The following RNF17 variants were observed in gnomAD, a reference collection of about 807,000 sequenced individuals.
RNF17 encodes the protein spermatogenesis associated 23.
RNF17 carries 31 observed loss-of-function variants against 200.5 expected under a neutral mutation model. The ratio of observed to expected loss-of-function variants is 0.15; its 90% CI spans 0.12 to 0.21. The LOEUF is 0.21. Ranked by LOEUF, RNF17 falls within the 10% of genes least tolerant of loss-of-function variation. The pLI is 1.00. For missense variants in RNF17, 1,628 were observed against 1,905.1 expected (o/e 0.85, Z 2.71); for synonymous variants, 606 against 637.8 (o/e 0.95, Z 0.75).
At chr13:24,868,266 C>T (rs1379729373) in intron 30 of RNF17, among the ~76,000 whole-genome samples, 3 of 151,096 alleles carry the variant, frequency 2.0e-5, no homozygotes, top group Admixed American at 2.0e-4. Context: ...GTCAGGAGAT[C>T]GAGACCATCC....
rs1261642001 is a variant in RNF17 at position 24,789,423 on chromosome 13, A to G, written c.859A>G (p.Arg287Gly). 1 of 1,587,278 alleles carries G rather than the reference A, an allele frequency of 6.3e-7. No homozygotes were observed. Among genetic ancestry groups the G allele is most frequent in the Non-Finnish European group, 8.6e-7 (1 of 1,157,404 alleles). ...TTCTCCACAACTAAGGAACCCTCCC[A>G]GGTAAGTAAGTCATAGTTCAGGAGA... ...VSSPQLRNPP[R>G]LSVNCSEIIC... Residue 287 changes from arginine to glycine, a missense_variant and splice_region_variant, in exon 8 of 36, where the codon AGG becomes GGG. By Grantham distance (125) the Arg-to-Gly change is moderately radical. This residue lies in a region of RNF17 where 502 missense variants were observed against 501.7 expected (regional missense o/e 1.00). Coordinates refer to ENST00000255324, the MANE Select transcript of RNF17 (RefSeq NM_031277.3).
chr13:24,749,259 C>T, the RNF17 span, among the ~76,000 whole-genome samples: 1 of 151,714 alleles, frequency 6.6e-6, no homozygotes, highest in South Asian at 2.1e-4. Flanking sequence ...ATGAAGAGTG[C>T]AGCAGCACAG....
chr13:24,852,349 A>G (rs1032995947), intron 24 of RNF17, among the ~76,000 whole-genome samples: 2 of 152,106 alleles, frequency 1.3e-5, no homozygotes, highest in Non-Finnish European at 2.9e-5. Context: ...CGTGTTAGCC[A>G]GGATGGCCTC....
chr13:24,777,047 A>G (rs963230683), intron 3 of RNF17, among the ~76,000 whole-genome samples: 4 of 152,242 alleles, frequency 2.6e-5, no homozygotes, highest in African/African-American at 9.6e-5. Context: ...TATGTCAATT[A>G]TATCTATTTT....
intron 34 of RNF17, among the ~76,000 whole-genome samples, chr13:24,877,888 A>G (rs1895019847): frequency 6.6e-6 from 1 of 152,232 alleles, no homozygotes; most frequent in Non-Finnish European, 1.5e-5. Flanking sequence ...GCCCACAGGC[A>G]GAATCTGGCC....
At chr13:24,841,945 G>A (rs975799952) in intron 18 of RNF17, 96 bp from the exon 19 acceptor site, 26 of 1,034,944 alleles carry the variant, frequency 2.5e-5, no homozygotes, top group Admixed American at 1.6e-4. Flanking sequence ...CAGCCTGGGC[G>A]ACAGAGTGAG....
In RNF17 at chr13:24,874,096, CT is replaced by C; in HGVS notation, c.4448-13del. On this transcript the variant is annotated splice_polypyrimidine_tract_variant and intron_variant, in intron 32 of 35. Transcript: ENST00000255324. ...AATGAAAGACAATATGATTTTTTCCCTTTTTCTGTCTTTCCAGAAATGCCTT... is the reference window on the plus strand; with the variant it reads ...AATGAAAGACAATATGATTTTTTCCCTTTTCTGTCTTTCCAGAAATGCCTT... The C allele has an allele frequency of 6.2e-7, 1 of 1,600,146 alleles. No individual in the cohort carries two copies. Among genetic ancestry groups the C allele is most frequent in the South Asian group, 1.1e-5 (1 of 87,344 alleles).
intron 2 of RNF17, among the ~76,000 whole-genome samples, chr13:24,774,072 T>G (rs1189151898): frequency 6.9e-6 from 1 of 145,126 alleles, no homozygotes; most frequent in African/African-American, 2.4e-5. Context: ...ACTTGAACAC[T>G]GTCTCGAGCA....
At chr13:24,867,079 T>A (rs1221371172) in intron 30 of RNF17, among the ~76,000 whole-genome samples, 1 of 152,244 alleles carries the variant, frequency 6.6e-6, no homozygotes, top group Non-Finnish European at 1.5e-5. Context: ...AGAAATCCCT[T>A]CAAATCTATT....
At chr13:24,882,902 T>TAAAC (rs1370322655), downstream of RNF17, 10 of 432,640 alleles carry the variant, frequency 2.3e-5, no homozygotes, top group African/African-American at 1.8e-4. Context: ...TTCTAACCAA[T>TAAAC]AAACACACCC....
chr13:24,764,669 C>T (rs1307584925), intron 1 of RNF17, among the ~76,000 whole-genome samples: 2 of 152,142 alleles, frequency 1.3e-5, no homozygotes, highest in African/African-American at 4.8e-5. Flanking sequence ...AAATGTAGCC[C>T]ATTGTTTTGT....
At chr13:24,852,191 T>C (rs1159295455) in intron 24 of RNF17, among the ~76,000 whole-genome samples, 1 of 147,462 alleles carries the variant, frequency 6.8e-6, no homozygotes, top group Non-Finnish European at 1.5e-5. Context: ...CAGGCTGGAG[T>C]GCAGTGGCGC....
intron 4 of RNF17, among the ~76,000 whole-genome samples, chr13:24,779,167 AG>A (rs934455149): frequency 6.6e-6 from 1 of 152,120 alleles, no homozygotes; most frequent in African/African-American, 2.4e-5. Context: ...ACTGCACTCC[AG>A]CCTGTGCAAC....
At chr13:24,866,100 C>A in intron 29 of RNF17, 44 bp from the exon 30 acceptor site, 1 of 1,069,802 alleles carries the variant, frequency 9.3e-7, no homozygotes, top group Non-Finnish European at 1.4e-6. Flanking sequence ...TACCTTAAAA[C>A]AATATAGCTA....
At position 24,812,705 on chromosome 13, in the gene RNF17, G is replaced by A. The variant is rs1405716855; in HGVS notation, c.2091+8276G>A. On this transcript the variant is annotated intron_variant, in intron 15 of 35. Transcript: ENST00000255324. ...CCCCCTTTTTTTTTTTTTTTGAGAC[G>A]CAGTCTCGCTCTGTCGCCCAGGCTG... is the stretch of plus-strand genomic sequence containing the variant. Among the ~76,000 whole-genome samples, 32 of 116,108 alleles carry A rather than the reference G, an allele frequency of 2.8e-4. 2 individuals carry two copies. The South Asian group carries it at 7.4e-3, about 27-fold the overall frequency. 76.2% of individuals were successfully genotyped at this position (116,108 alleles called of 152,430 possible).
At chr13:24,864,342 G>A (rs781602920) in intron 28 of RNF17, among the ~76,000 whole-genome samples, 1 of 152,158 alleles carries the variant, frequency 6.6e-6, no homozygotes, top group Non-Finnish European at 1.5e-5. Context: ...AGTGAGTTTG[G>A]ACAAAGGTGG....
intron 15 of RNF17, among the ~76,000 whole-genome samples, chr13:24,814,342 A>G (rs1028531147): frequency 1.3e-5 from 2 of 152,070 alleles, no homozygotes; most frequent in African/African-American, 2.4e-5. Flanking sequence ...TTGTCTTTTC[A>G]CTTTCTTGAT....
intron 1 of RNF17, chr13:24,764,538 C>T (rs563126130): frequency 1.2e-5 from 4 of 329,700 alleles, no homozygotes; most frequent in South Asian, 2.4e-4. Context: ...GCGCCTGTCA[C>T]GGCTTTCTCC....
downstream of RNF17, among the ~76,000 whole-genome samples, chr13:24,880,356 C>G (rs960919674): frequency 1.3e-5 from 2 of 152,166 alleles, no homozygotes; most frequent in Non-Finnish European, 1.5e-5. Flanking sequence ...CCCACGAGGT[C>G]CCTCCTCCAA....
Sources: gnomAD v4.1 joint callset for allele counts (sites outside exome capture counted in the v4.1 genomes callset) on GRCh38, gnomAD v4.1.1 for gene constraint, gnomAD v4.1.1 regional missense constraint, MANE v1.5 for transcripts, NCBI Gene and HGNC (gene_info 2026-07-23, HGNC 2026-07-21) for gene names.